The following DHCR24 variants were observed in gnomAD, a reference collection of about 807,000 sequenced individuals.
DHCR24 encodes 24-dehydrocholesterol reductase, also known as delta(24)-sterol reductase.
In DHCR24, 28 loss-of-function variants were observed where a neutral mutation model predicts 61.2. The ratio of observed to expected loss-of-function variants is 0.46; its 90% confidence interval spans 0.34 to 0.63. DHCR24 has a LOEUF of 0.63. Among genes scored for constraint, DHCR24 ranks in the 20% least tolerant of loss-of-function variants. The pLI is 0.01. For missense variants in DHCR24, 538 were observed against 679.1 expected (o/e 0.79, Z 2.31); for synonymous variants, 261 against 275.9 (o/e 0.95, Z 0.54).
At chr1:54,884,489 G>C (rs563621969) in intron 1 of DHCR24, among the ~76,000 whole-genome samples, 1 of 152,318 alleles carries the variant, frequency 6.6e-6, no homozygotes, top group East Asian at 1.9e-4. Context: ...TCTAAGGTAA[G>C]TGACCAGAGC....
chr1:54,852,262 C>T lies in DHCR24; in HGVS notation c.1522G>A (p.Asp508Asn), dbSNP rs11555496. ...GCQDAFPEVY[D>N]KICKAARH ...TGCCTGGCGGCCTTGCAGATCTTGTCGTACACCTCGGGGAAGGCGTCCTGG... is the reference window on the plus strand; with the variant it reads ...TGCCTGGCGGCCTTGCAGATCTTGTTGTACACCTCGGGGAAGGCGTCCTGG... The change falls in exon 9 of 9, where the codon GAC becomes AAC. Residue 508 changes from aspartate (D) to asparagine (N), a missense_variant. Physicochemically the swap from Asp to Asn is conservative, Grantham distance 23. Coordinates refer to ENST00000371269, the MANE Select transcript of DHCR24 (RefSeq NM_014762.4). The T allele has an allele frequency of 1.3e-3, 2,021 of 1,614,198 alleles. 11 individuals are homozygous for T. In the African/African-American group the frequency reaches 0.021, roughly 17 times the overall value.
chr1:54,886,765 T>TC, intron 1 of DHCR24, 124 bp downstream of exon 1: 2 of 1,247,074 alleles, frequency 1.6e-6, no homozygotes, highest in East Asian at 3.6e-5. Context: ...CAACGCCAGC[T>TC]CCCCACCCCC....
intron 2 of DHCR24, among the ~76,000 whole-genome samples, chr1:54,879,768 C>T (rs1647055307): frequency 6.6e-6 from 1 of 151,904 alleles, no homozygotes. Flanking sequence ...ATCCATGGGT[C>T]AAAGCAGACA....
chr1:54,869,227 A>C (rs1388350480), intron 5 of DHCR24, among the ~76,000 whole-genome samples: 4 of 152,242 alleles, frequency 2.6e-5, no homozygotes, highest in African/African-American at 9.6e-5. Flanking sequence ...TCAGATTGGC[A>C]AAAATGAAAG....
intron 6 of DHCR24, 108 bp from the exon 7 acceptor site, chr1:54,854,342 G>A (rs906593861): frequency 6.6e-6 from 6 of 908,624 alleles, no homozygotes; most frequent in African/African-American, 6.6e-5. Context: ...ACAGAAGCAC[G>A]CCTGAGTCCA....
intron 2 of DHCR24, among the ~76,000 whole-genome samples, chr1:54,881,689 G>A (rs1370620996): frequency 2.0e-5 from 3 of 152,166 alleles, no homozygotes; most frequent in Non-Finnish European, 4.4e-5. Context: ...ACACATGCAT[G>A]TGTATGTTTA....
At chr1:54,876,652 T>A (rs980902078) in intron 2 of DHCR24, among the ~76,000 whole-genome samples, 4 of 151,728 alleles carry the variant, frequency 2.6e-5, no homozygotes, top group Non-Finnish European at 5.9e-5. Context: ...AGACTCCGTC[T>A]CAAACAAACA....
At chr1:54,886,359 A>C (rs1424519159) in intron 1 of DHCR24, among the ~76,000 whole-genome samples, 1 of 152,166 alleles carries the variant, frequency 6.6e-6, no homozygotes, top group Non-Finnish European at 1.5e-5. Flanking sequence ...AAACCCAATC[A>C]AAAGCGTCTT....
rs1646963185 is a variant in DHCR24, at chr1:54,865,432, G to A, written c.891C>T (p.Gly297=). The A allele has an allele frequency of 6.2e-7, 1 of 1,614,162 alleles. No homozygotes were observed. The highest frequency in any genetic ancestry group is 8.5e-7 in the Non-Finnish European group (1 of 1,180,036). Residue 297 remains glycine (G), a synonymous_variant, in exon 6 of 9, where the codon GGC becomes GGT. Coordinates refer to ENST00000371269, the MANE Select transcript of DHCR24 (RefSeq NM_014762.4). ...EAEPSKLNSI[G]NYYKPWFFKH... ...TAAAGAACCACGGCTTGTAGTAATT[G>A]CCAATGCTATTCAGCTGAAATGACA...
In DHCR24 at chr1:54,852,303, C is replaced by T. The variant is rs1044689480; in HGVS notation, c.1481G>A (p.Arg494Gln). 1.2e-5 allele frequency: 20 copies of T among 1,614,094 alleles called. No homozygotes were observed. The highest frequency in any genetic ancestry group is 1.7e-5 in the Admixed American group (1 of 60,004). ...MFDGSLYHKLREKLGCQDAFP... is the reference protein window; with the variant it reads ...MFDGSLYHKLQEKLGCQDAFP... Reference sequence around the variant, plus strand: ...GGCGTCCTGGCAACCCAGCTTCTCTCGCAGCTTGTGGTACAAGGAGCCATC... The same window carrying T: ...GGCGTCCTGGCAACCCAGCTTCTCTTGCAGCTTGTGGTACAAGGAGCCATC... The change falls in exon 9 of 9, where the codon CGA becomes CAA. Residue 494 changes from arginine (R) to glutamine (Q), a missense_variant. Physicochemically the swap from Arg to Gln is conservative, Grantham distance 43. Transcript: ENST00000371269.
chr1:54,870,041 G>A (rs1646989353), intron 5 of DHCR24, among the ~76,000 whole-genome samples: 4 of 150,256 alleles, frequency 2.7e-5, no homozygotes, highest in Non-Finnish European at 3.0e-5. Flanking sequence ...GCGACGGAGT[G>A]AGACTCCATC....
chr1:54,875,171 G>C lies in DHCR24; in HGVS notation c.534C>G (p.His178Gln). Residue 178 changes from histidine (H) to glutamine (Q), a missense_variant, in exon 4 of 9, where the codon CAC becomes CAG. Transcript: ENST00000371269. ...IMGTGIESSS[H>Q]KYGLFQHICT... ...AGATGTGTTGGAACAGGCCGTACTT[G>C]TGGGATGATGACTCGATGCCTGTGC... The C allele has an allele frequency of 6.2e-7, 1 of 1,614,210 alleles. No individual in the cohort carries two copies. The highest frequency in any genetic ancestry group is 8.5e-7 in the Non-Finnish European group (1 of 1,180,044).
In DHCR24 at chr1:54,851,247, T is replaced by C. The variant is rs185033156; in HGVS notation, c.*986A>G. ...TCTTCCAGCCCCACGGTGAGAATCCTACAGAAACATGAGGGTGGACTCCAC... is the reference window on the plus strand; with the variant it reads ...TCTTCCAGCCCCACGGTGAGAATCCCACAGAAACATGAGGGTGGACTCCAC... On this transcript the variant is annotated 3_prime_UTR_variant, in exon 9 of 9. Transcript: ENST00000371269. 3 of 152,722 alleles carry C rather than the reference T, an allele frequency of 2.0e-5. No individual in the cohort carries two copies. Among genetic ancestry groups the C allele is most frequent in the Admixed American group, 2.0e-4 (3 of 15,304 alleles). 9.5% of individuals were successfully genotyped at this position (152,722 alleles called of 1,614,324 possible).
At chr1:54,886,560 A>G in intron 1 of DHCR24, 2 of 1,336,126 alleles carry the variant, frequency 1.5e-6, no homozygotes, top group Non-Finnish European at 2.0e-6. Context: ...CTCTAGACCC[A>G]GCTCCACCTC....
chr1:54,863,269 C>T (rs987355081), intron 6 of DHCR24, among the ~76,000 whole-genome samples: 1 of 152,146 alleles, frequency 6.6e-6, no homozygotes, highest in East Asian at 1.9e-4. Flanking sequence ...CTTGTCCACT[C>T]CCGTCCCCAT....
At chr1:54,856,677 C>G (rs186450514) in intron 6 of DHCR24, among the ~76,000 whole-genome samples, 101 of 152,236 alleles carry the variant, frequency 6.6e-4, no homozygotes, top group Middle Eastern at 3.4e-3. Flanking sequence ...CACTTCTATA[C>G]TGGCAGACAT....
rs753040030 is a variant in DHCR24 at position 54,865,451 on chromosome 1, A to G, written c.877-5T>C. ...GTAATTGCCAATGCTATTCAGCTGA[A>G]ATGACAGAGGGCATTGTGATCAGCC... On this transcript the variant is annotated splice_polypyrimidine_tract_variant and splice_region_variant and intron_variant, in intron 5 of 8. Transcript: ENST00000371269. 3 of 1,613,960 alleles carry G rather than the reference A, an allele frequency of 1.9e-6. No individual in the cohort carries two copies. Among genetic ancestry groups the G allele is most frequent in the Non-Finnish European group, 2.5e-6 (3 of 1,180,030 alleles).
At position 54,887,024 on chromosome 1, in the gene DHCR24, C is replaced by A. The variant is rs1038983936; in HGVS notation, c.96G>T (p.Trp32Cys). 1.2e-6 allele frequency: 2 copies of A among 1,613,412 alleles called. No individual in the cohort carries two copies. Among genetic ancestry groups the A allele is most frequent in the Non-Finnish European group, 1.7e-6 (2 of 1,179,684 alleles). ...GCAGGAGGAAGAGGCACACGAACAC[C>A]CAGCGCTGGTGGATGAGCACGAACT... ...GLEFVLIHQR[W>C]VFVCLFLLPL... Residue 32 changes from tryptophan to cysteine, a missense_variant, in exon 1 of 9, where the codon TGG (tryptophan) becomes TGT (cysteine). Coordinates refer to ENST00000371269, the MANE Select transcript of DHCR24 (RefSeq NM_014762.4).
chr1:54,878,719 C>A (rs1479463259), intron 2 of DHCR24, among the ~76,000 whole-genome samples: 1 of 151,940 alleles, frequency 6.6e-6, no homozygotes, highest in Non-Finnish European at 1.5e-5. Context: ...AAAATTGAGA[C>A]CCAGTGGGAT....
Sources: allele counts gnomAD v4.1 joint callset (sites outside exome capture counted in the v4.1 genomes callset), GRCh38; gene constraint gnomAD v4.1.1; transcripts MANE v1.5; gene names NCBI Gene and HGNC (gene_info 2026-07-23, HGNC 2026-07-21).